Variants in ZMIZ1 observed in about 807,000 individuals in gnomAD.
The protein encoded by ZMIZ1 is zinc finger MIZ-type containing 1.
Under a neutral mutation model 113.9 loss-of-function variants are expected in ZMIZ1, and 17 were observed. That is an observed-to-expected ratio of 0.15 (90% CI 0.10 to 0.22). The LOEUF (loss-of-function observed/expected upper bound fraction) is 0.22. Among genes scored for constraint, ZMIZ1 ranks in the 10% least tolerant of loss-of-function variants. ZMIZ1 has a pLI of 1.00. For synonymous variants in ZMIZ1, 607 were observed against 603.1 expected (o/e 1.01, Z -0.09); for missense variants, 1,059 against 1,477.8 (o/e 0.72, Z 4.65).
Position 79,298,470 on chromosome 10 carries a change from C to T in ZMIZ1, c.1556C>T (p.Pro519Leu), listed in dbSNP as rs775764570. 1.5e-5 allele frequency: 24 copies of T among 1,607,900 alleles called. No individual in the cohort carries two copies. Among genetic ancestry groups the T allele is most frequent in the Admixed American group, 5.1e-5 (3 of 58,934 alleles). Residue 519 changes from proline (P) to leucine (L), a missense_variant, in exon 15 of 25, where the codon CCC becomes CTC. Pro to Leu is a moderately conservative substitution (Grantham distance 98). This residue lies in a region of ZMIZ1 where 239 missense variants were observed against 247.5 expected (regional missense o/e 0.97). Coordinates refer to ENST00000334512, the MANE Select transcript of ZMIZ1 (RefSeq NM_020338.4). ...HSPVPGNPTPPMTPGSSIPPY... is the reference protein window; with the variant it reads ...HSPVPGNPTPLMTPGSSIPPY... ...CCTGTTCCAGGGAACCCCACACCCC[C>T]CATGACCCCTGGGAGCAGCATCCCT...
At chr10:79,214,538 G>T (rs1172342415) in intron 6 of ZMIZ1, among the ~76,000 whole-genome samples, 1 of 152,168 alleles carries the variant, frequency 6.6e-6, no homozygotes, top group Non-Finnish European at 1.5e-5. Flanking sequence ...GGTAAGTGGT[G>T]TTCCCAGCCC....
chr10:79,175,990 T>G (rs1055381767), intron 4 of ZMIZ1, among the ~76,000 whole-genome samples: 2 of 152,006 alleles, frequency 1.3e-5, no homozygotes, highest in African/African-American at 4.8e-5. Flanking sequence ...TTATTTTCCC[T>G]GAAAATGTGC....
intron 7 of ZMIZ1, among the ~76,000 whole-genome samples, chr10:79,262,954 G>A (rs773866751): frequency 2.6e-5 from 4 of 152,362 alleles, no homozygotes; most frequent in African/African-American, 7.2e-5. Flanking sequence ...TGGAACGACC[G>A]ATTAGGAAGT....
At chr10:79,216,038 G>T (rs1041070756) in intron 6 of ZMIZ1, 131 bp from the exon 7 acceptor site, 4 of 507,050 alleles carry the variant, frequency 7.9e-6, no homozygotes, top group Middle Eastern at 4.0e-4. Flanking sequence ...AGGCACAGTG[G>T]ACTTCTGGCT....
At chr10:79,166,744 C>A (rs1030069864) in intron 4 of ZMIZ1, among the ~76,000 whole-genome samples, 1 of 152,214 alleles carries the variant, frequency 6.6e-6, no homozygotes, top group Non-Finnish European at 1.5e-5. Context: ...ATTGTCCTCT[C>A]CTGAAGGGAG....
chr10:79,201,173 T>C (rs867629155), intron 4 of ZMIZ1, among the ~76,000 whole-genome samples: 13 of 152,230 alleles, frequency 8.5e-5, no homozygotes, highest in African/African-American at 2.9e-4. Context: ...CCGGGTGTGG[T>C]GGTAGACACC....
In ZMIZ1 at chr10:79,082,041, C is replaced by G. The variant is rs1185210227; in HGVS notation, c.-337+12771C>G. Among the ~76,000 whole-genome samples the G allele has an allele frequency of 2.0e-5, 3 of 152,374 alleles. No individual in the cohort carries two copies. In the East Asian group the frequency reaches 5.8e-4, roughly 29 times the overall value. ...GTGTTCCCACCATCTAGCCAGTGCCCAGCCCTGCCTGTTACTCCACAGAAA... is the reference window on the plus strand; with the variant it reads ...GTGTTCCCACCATCTAGCCAGTGCCGAGCCCTGCCTGTTACTCCACAGAAA... On this transcript the variant is annotated intron_variant, in intron 1 of 24. Transcript: ENST00000334512.
At chr10:79,083,091 C>G (rs1389551482) in intron 1 of ZMIZ1, among the ~76,000 whole-genome samples, 1 of 152,200 alleles carries the variant, frequency 6.6e-6, no homozygotes, top group Non-Finnish European at 1.5e-5. Flanking sequence ...TTCTAGTAGG[C>G]GAGACAGTCA....
intron 7 of ZMIZ1, among the ~76,000 whole-genome samples, chr10:79,245,948 G>A (rs891815672): frequency 6.6e-6 from 1 of 152,212 alleles, no homozygotes; most frequent in Non-Finnish European, 1.5e-5. Flanking sequence ...GACAGACAGC[G>A]CTGTCCAGGA....
intron 4 of ZMIZ1, among the ~76,000 whole-genome samples, chr10:79,174,588 C>T (rs1012208140): frequency 6.6e-6 from 1 of 152,218 alleles, no homozygotes; most frequent in African/African-American, 2.4e-5. Context: ...TGGGTGCTGG[C>T]AGGGAAGGGA....
At chr10:79,072,265 C>T (rs1337983) in intron 1 of ZMIZ1, among the ~76,000 whole-genome samples, 14,946 of 152,176 alleles carry the variant, frequency 0.098, 929 homozygotes, top group African/African-American at 0.18. Context: ...TTCTCCCTCA[C>T]GCACGCGCGC....
intron 7 of ZMIZ1, among the ~76,000 whole-genome samples, chr10:79,259,422 A>G (rs1394203664): frequency 6.6e-6 from 1 of 152,154 alleles, no homozygotes; most frequent in Admixed American, 6.5e-5. Flanking sequence ...ACAGGGCTTC[A>G]TCGTGCACCG....
At chr10:79,176,746 C>T (rs1004922124) in intron 4 of ZMIZ1, among the ~76,000 whole-genome samples, 1 of 152,222 alleles carries the variant, frequency 6.6e-6, no homozygotes, top group Non-Finnish European at 1.5e-5. Flanking sequence ...CATCGTCCCC[C>T]TTTGCCCATC....
chr10:79,290,368 G>A (rs1853400553), intron 9 of ZMIZ1, among the ~76,000 whole-genome samples: 1 of 152,180 alleles, frequency 6.6e-6, no homozygotes, highest in African/African-American at 2.4e-5. Context: ...CCTCTGCCCA[G>A]TCAGGGAGTC....
At chr10:79,109,083 A>G (rs192560555) in intron 1 of ZMIZ1, among the ~76,000 whole-genome samples, 6 of 152,154 alleles carry the variant, frequency 3.9e-5, no homozygotes, top group African/African-American at 1.4e-4. Flanking sequence ...AGGTGCACAC[A>G]TGTGTGTGTC....
Position 79,296,787 on chromosome 10 carries a change from G to C in ZMIZ1, c.1413+134G>C. On this transcript the variant is annotated intron_variant, in intron 13 of 24. Transcript: ENST00000334512. The surrounding 1 kb of genome is among the most constrained non-coding windows in gnomAD (Gnocchi z 4.1). The stretch of plus-strand genomic sequence containing the variant: ...AGCGAGGGGTGGGTGATTTCTGAAC[G>C]TCCCCATGTGTTCAGGGCGAAGTTC... The C allele has an allele frequency of 1.2e-6, 1 of 852,104 alleles. No homozygotes were observed. Among genetic ancestry groups the C allele is most frequent in the Non-Finnish European group, 1.7e-6 (1 of 585,974 alleles). The allele number at this position is 852,104 out of a possible 1,614,324, so 52.8% of individuals were successfully genotyped here. A position where few individuals can be genotyped will look rare whatever the true frequency, so the allele number is the denominator to read the frequency against.
chr10:79,273,681 CAGA>C (rs1852083441), intron 7 of ZMIZ1, among the ~76,000 whole-genome samples: 1 of 152,268 alleles, frequency 6.6e-6, no homozygotes, highest in South Asian at 2.1e-4. Context: ...TTCTGACAGG[CAGA>C]AGGCCTCCCC....
intron 12 of ZMIZ1, chr10:79,294,034 C>A: frequency 3.3e-6 from 1 of 306,368 alleles, no homozygotes; most frequent in Non-Finnish European, 6.4e-6. Context: ...GAGAGCTTCC[C>A]CAACTCCTCT....
chr10:79,257,604 G>A (rs904266689), intron 7 of ZMIZ1, among the ~76,000 whole-genome samples: 3 of 152,232 alleles, frequency 2.0e-5, no homozygotes, highest in African/African-American at 7.2e-5. Context: ...AGAGAAGCCA[G>A]GCCTCACAGA....
Sources: gnomAD v4.1 joint callset for allele counts (sites outside exome capture counted in the v4.1 genomes callset) on GRCh38, gnomAD v4.1.1 for gene constraint, gnomAD v4.1.1 regional missense constraint, Gnocchi (gnomAD v3.1) non-coding constraint, MANE v1.5 for transcripts, NCBI Gene and HGNC (gene_info 2026-07-23, HGNC 2026-07-21) for gene names.